The following CTNNA2 variants were observed in gnomAD, a reference collection of about 807,000 sequenced individuals.
CTNNA2 encodes the protein catenin alpha 2.
In CTNNA2, 42 loss-of-function variants were observed where a neutral mutation model predicts 101.0. The ratio of observed to expected loss-of-function variants is 0.42; its 90% CI spans 0.32 to 0.54. The LOEUF (loss-of-function observed/expected upper bound fraction) is 0.54, where lower values mean the gene tolerates loss of function less well. Among genes scored for constraint, CTNNA2 ranks in the 20% least tolerant of loss-of-function variants. The pLI is 0.14. For missense variants in CTNNA2, 871 were observed against 1,223.1 expected, an observed-to-expected ratio of 0.71 and a Z score of 4.29; for synonymous variants, 450 against 456.4, an observed-to-expected ratio of 0.99 and a Z score of 0.18.
intron 7 of CTNNA2, among the ~76,000 whole-genome samples, chr2:80,379,974 G>A (rs755685066): frequency 1.3e-5 from 2 of 149,634 alleles, no homozygotes; most frequent in Non-Finnish European, 3.0e-5. Context: ...CCTAAGTTAC[G>A]TAAAAGTTTT....
At chr2:79,352,048 A>ATAAC (rs1222219456) in intron 3 of CTNNA2, among the ~76,000 whole-genome samples, 2 of 152,232 alleles carry the variant, frequency 1.3e-5, no homozygotes, top group Non-Finnish European at 2.9e-5. Flanking sequence ...CCAACAGCAT[A>ATAAC]TAACTGTTCC....
chr2:80,184,009 G>A (rs2148985667), intron 7 of CTNNA2, among the ~76,000 whole-genome samples: 1 of 151,806 alleles, frequency 6.6e-6, no homozygotes, highest in South Asian at 2.1e-4. Context: ...AAGTCATTCT[G>A]AACAAATTAT....
At chr2:79,650,576 T>C (rs1394689556) in intron 1 of CTNNA2, among the ~76,000 whole-genome samples, 1 of 151,772 alleles carries the variant, frequency 6.6e-6, no homozygotes, top group Non-Finnish European at 1.5e-5. Flanking sequence ...CAGACTGACA[T>C]TGATGCCCCT....
intron 9 of CTNNA2, among the ~76,000 whole-genome samples, chr2:80,535,716 GC>G (rs1281429725): frequency 9.2e-5 from 14 of 152,126 alleles, no homozygotes; most frequent in African/African-American, 1.2e-4. Context: ...GTGTACTTAA[GC>G]CCCCAGCTGC....
intron 9 of CTNNA2, among the ~76,000 whole-genome samples, chr2:80,431,259 T>C (rs944347591): frequency 6.6e-6 from 1 of 152,180 alleles, no homozygotes; most frequent in African/African-American, 2.4e-5. Flanking sequence ...TGCCCAAGGC[T>C]CAGTGGGTAT....
chr2:79,299,259 G>T (rs2104388828), intron 2 of CTNNA2, among the ~76,000 whole-genome samples: 1 of 152,242 alleles, frequency 6.6e-6, no homozygotes, highest in South Asian at 2.1e-4. Flanking sequence ...TCACAGGTGA[G>T]ATTTATTTGG....
intron 7 of CTNNA2, among the ~76,000 whole-genome samples, chr2:79,967,643 A>G (rs1256360164): frequency 6.6e-6 from 1 of 152,166 alleles, no homozygotes; most frequent in Non-Finnish European, 1.5e-5. Flanking sequence ...AATCCATAAA[A>G]CTCAGTGATT....
chr2:79,964,630 G>T, intron 7 of CTNNA2, among the ~76,000 whole-genome samples: 1 of 152,136 alleles, frequency 6.6e-6, no homozygotes, highest in East Asian at 1.9e-4. Flanking sequence ...AGAGAGGTAA[G>T]GTAATTCTCT....
intron 4 of CTNNA2, among the ~76,000 whole-genome samples, chr2:79,428,554 A>G (rs1378652689): frequency 2.6e-5 from 4 of 152,144 alleles, no homozygotes; most frequent in Non-Finnish European, 5.9e-5. Context: ...TGGAGGTGGT[A>G]GATACATTTG....
chr2:79,299,298 A>C (rs1573051397), intron 2 of CTNNA2, among the ~76,000 whole-genome samples: 1 of 152,152 alleles, frequency 6.6e-6, no homozygotes, highest in Non-Finnish European at 1.5e-5. Flanking sequence ...GGAAGAGTCT[A>C]ATCCTTGGAT....
intron 3 of CTNNA2, among the ~76,000 whole-genome samples, chr2:79,331,860 C>A (rs528563440): frequency 1.3e-5 from 2 of 152,094 alleles, no homozygotes; most frequent in African/African-American, 4.8e-5. Context: ...ATTATTGATT[C>A]GAGAACAAAA....
chr2:80,562,646 AT>A lies in CTNNA2; in HGVS notation c.1741+6756del, dbSNP rs1347610338. ...AATATAAAAACGTATGCACAAGATT[AT>A]TTATTACAAGACTGTAGGCTAGAAA... On this transcript the variant is annotated intron_variant, in intron 12 of 18. Transcript: ENST00000402739. Among the ~76,000 whole-genome samples, 31 of 152,100 alleles carry A rather than the reference AT, an allele frequency of 2.0e-4. No homozygotes were observed. The South Asian group carries it at 2.5e-3, about 12-fold the overall frequency.
intron 7 of CTNNA2, among the ~76,000 whole-genome samples, chr2:80,364,656 A>G (rs575187906): frequency 6.8e-6 from 1 of 146,730 alleles, no homozygotes; most frequent in Non-Finnish European, 1.5e-5. Flanking sequence ...GACACTCCTC[A>G]TACTTTTCTT....
At chr2:79,879,191 C>A (rs1424208947) in intron 6 of CTNNA2, among the ~76,000 whole-genome samples, 1 of 152,126 alleles carries the variant, frequency 6.6e-6, no homozygotes, top group Non-Finnish European at 1.5e-5. Context: ...GTTTTGGGAC[C>A]AGTACCATGC....
At chr2:79,400,033 G>A (rs924646050) in intron 4 of CTNNA2, among the ~76,000 whole-genome samples, 1 of 151,990 alleles carries the variant, frequency 6.6e-6, no homozygotes, top group African/African-American at 2.4e-5. Flanking sequence ...ATACATTTTA[G>A]GGAGATATGA....
chr2:80,479,077 T>C (rs1685949386), intron 9 of CTNNA2, among the ~76,000 whole-genome samples: 1 of 152,068 alleles, frequency 6.6e-6, no homozygotes, highest in Middle Eastern at 3.2e-3. Context: ...GTTCTCATTG[T>C]AGAGATCTCT....
intron 1 of CTNNA2, among the ~76,000 whole-genome samples, chr2:79,602,711 C>A (rs1677625650): frequency 6.6e-6 from 1 of 152,004 alleles, no homozygotes; most frequent in South Asian, 2.1e-4. Flanking sequence ...GTACTTGAAA[C>A]AAAGAATCAA....
At chr2:80,097,299 A>C (rs1700217021) in intron 7 of CTNNA2, among the ~76,000 whole-genome samples, 1 of 152,282 alleles carries the variant, frequency 6.6e-6, no homozygotes, top group South Asian at 2.1e-4. Flanking sequence ...TTCTGGGTTG[A>C]AAATTCTTTT....
At chr2:80,269,676 A>G (rs984203676) in intron 7 of CTNNA2, among the ~76,000 whole-genome samples, 1 of 152,208 alleles carries the variant, frequency 6.6e-6, no homozygotes, top group Non-Finnish European at 1.5e-5. Flanking sequence ...GTTTACATAT[A>G]AGAACTATAC....
Sources: gnomAD v4.1 joint callset for allele counts (sites outside exome capture counted in the v4.1 genomes callset) on GRCh38, gnomAD v4.1.1 for gene constraint, MANE v1.5 for transcripts, NCBI Gene and HGNC (gene_info 2026-07-23, HGNC 2026-07-21) for gene names.